Variants in WDR5 observed in about 807,000 individuals in gnomAD.
WDR5 encodes WD repeat domain 5.
For synonymous variants in WDR5, 144 were observed against 161.6 expected, an observed-to-expected ratio of 0.89 and a Z score of 0.83; for missense variants, 187 against 416.9, an observed-to-expected ratio of 0.45 and a Z score of 4.80.
At chr9:134,135,919 T>C (rs1428337195), upstream of WDR5, 1 of 152,060 alleles carries the variant, frequency 6.6e-6, no homozygotes, top group Non-Finnish European at 1.5e-5. Context: ...GATTAAAGCT[T>C]TTAAGCGGGA....
At chr9:134,139,654 A>G (rs1831772202) in intron 1 of WDR5, among the ~76,000 whole-genome samples, 166 bp from the exon 2 acceptor site, 1 of 152,356 alleles carries the variant, frequency 6.6e-6, no homozygotes, top group East Asian at 1.9e-4. Context: ...GGAAAGTATT[A>G]GCAAGGACTT....
intron 2 of WDR5, 142 bp from the exon 3 acceptor site, chr9:134,140,561 A>T (rs1831832843): frequency 5.4e-6 from 4 of 739,376 alleles, no homozygotes; most frequent in Non-Finnish European, 7.4e-6. Flanking sequence ...GTCCACATAG[A>T]GATTGGTGGA....
chr9:134,149,241 C>T (rs34473303), intron 8 of WDR5, among the ~76,000 whole-genome samples: 7,629 of 152,158 alleles, frequency 0.05, 439 homozygotes, highest in African/African-American at 0.14. Flanking sequence ...GGGTCGTAGT[C>T]GAGTTGCACC....
intron 1 of WDR5, 104 bp from the exon 2 acceptor site, chr9:134,139,716 C>T: frequency 1.4e-6 from 1 of 718,338 alleles, no homozygotes. Flanking sequence ...CTACAGGGCT[C>T]AATATGGTAG....
chr9:134,144,379 C>T (rs993404055), intron 7 of WDR5, among the ~76,000 whole-genome samples: 6 of 152,178 alleles, frequency 3.9e-5, no homozygotes, highest in Admixed American at 6.5e-5. Context: ...GACAAATGAA[C>T]GCTTGTGAAG....
chr9:134,154,620 G>A (rs952032270), intron 10 of WDR5, 79 bp downstream of exon 10: 18 of 1,511,926 alleles, frequency 1.2e-5, no homozygotes, highest in African/African-American at 4.1e-5. Context: ...GTGAGCCTTT[G>A]GAGAGCGTGT....
rs1832515983 is a variant in WDR5 at position 134,152,007 on chromosome 9, C to T, written c.609C>T (p.Gly203=). Reference sequence around the variant, plus strand: ...GTCGCATCTGGGACACCGCCTCAGGCCAGTGCCTGAAGACGCTCATCGGTG... The same window carrying T: ...GTCGCATCTGGGACACCGCCTCAGGTCAGTGCCTGAAGACGCTCATCGGTG... ...GLCRIWDTAS[G]QCLKTLIDDD... Residue 203 remains glycine (G), a synonymous_variant, in exon 9 of 14, where the codon GGC becomes GGT. Transcript: ENST00000358625. 6.2e-7 allele frequency: 1 copy of T among 1,614,034 alleles called. No homozygotes were observed. The highest frequency in any genetic ancestry group is 1.1e-5 in the South Asian group (1 of 91,076).
intron 1 of WDR5, among the ~76,000 whole-genome samples, chr9:134,137,115 G>C (rs1003671188): frequency 1.3e-5 from 2 of 152,124 alleles, no homozygotes; most frequent in Admixed American, 6.5e-5. Flanking sequence ...CAGATTCCTG[G>C]GCTCCACCTC....
chr9:134,148,666 C>T (rs775519222), intron 8 of WDR5, among the ~76,000 whole-genome samples: 20 of 152,138 alleles, frequency 1.3e-4, no homozygotes, highest in Non-Finnish European at 2.1e-4. Flanking sequence ...GGTGTTTGGA[C>T]CCCTTGAGGT....
At chr9:134,152,402 C>T (rs189988579) in intron 9 of WDR5, among the ~76,000 whole-genome samples, 177 of 152,300 alleles carry the variant, frequency 1.2e-3, no homozygotes, top group Non-Finnish European at 1.8e-3. Context: ...GAGTGCCTGC[C>T]CATCTGCTGG....
At chr9:134,136,616 G>GC (rs1831573871) in intron 1 of WDR5, among the ~76,000 whole-genome samples, 1 of 151,984 alleles carries the variant, frequency 6.6e-6, no homozygotes, top group East Asian at 1.9e-4. Context: ...TCGTAGAAAC[G>GC]CCCCCAGCCC....
intron 11 of WDR5, 127 bp downstream of exon 11, chr9:134,155,500 T>C: frequency 7.3e-7 from 1 of 1,370,592 alleles, no homozygotes; most frequent in South Asian, 1.4e-5. Flanking sequence ...CTGGGTTTGG[T>C]GCGAATTCCT....
intron 6 of WDR5, 43 bp downstream of exon 6, chr9:134,142,465 G>C (rs778832737): frequency 6.2e-7 from 1 of 1,605,462 alleles, no homozygotes; most frequent in African/African-American, 1.3e-5. Flanking sequence ...GGTGGTGTCG[G>C]ATGTGGGAAG....
rs756017391 is a variant in WDR5 at position 134,156,544 on chromosome 9, C to T, written c.855C>T (p.Ile285=). The T allele has an allele frequency of 6.2e-7, 1 of 1,614,214 alleles. No homozygotes were observed. Among genetic ancestry groups the T allele is most frequent in the Non-Finnish European group, 8.5e-7 (1 of 1,180,048 alleles). Residue 285 remains isoleucine, a synonymous_variant, in exon 13 of 14, where the codon ATC becomes ATT. Transcript: ENST00000358625. The part of the protein sequence containing the change: ...VSGSEDNLVY[I]WNLQTKEIVQ... ...GCTCAGAGGATAACCTTGTTTACAT[C>T]TGGAACCTTCAGACGAAAGAGATTG...
At chr9:134,154,071 A>T (rs1832630272) in intron 9 of WDR5, among the ~76,000 whole-genome samples, 1 of 152,110 alleles carries the variant, frequency 6.6e-6, no homozygotes, top group Non-Finnish European at 1.5e-5. Context: ...ATAAATTCTT[A>T]AAGGAGAATT....
Position 134,139,965 on chromosome 9 carries a change from GC to G in WDR5, c.81+10del. The G allele has an allele frequency of 6.2e-7, 1 of 1,613,642 alleles. No individual in the cohort carries two copies. The highest frequency in any genetic ancestry group is 8.5e-7 in the Non-Finnish European group (1 of 1,179,980). On this transcript the variant is annotated splice_region_variant and intron_variant, in intron 2 of 13. Transcript: ENST00000358625. ...ATCCGCCACTCAGAGCAAGGTGCGT[GC>G]CCAGGGGCCCCTTGGACACCTTCCG... is the stretch of plus-strand genomic sequence containing the variant.
intron 8 of WDR5, 116 bp downstream of exon 8, chr9:134,148,459 C>T (rs1017199831): frequency 8.1e-5 from 76 of 941,992 alleles, no homozygotes; most frequent in Non-Finnish European, 1.1e-4. Context: ...CCTTAATTTC[C>T]GAAGCTTCTC....
At position 134,156,449 on chromosome 9, in the gene WDR5, T is replaced by C. The variant is rs372319092; in HGVS notation, c.817-57T>C. The C allele has an allele frequency of 7.8e-5, 120 of 1,537,702 alleles. 2 individuals are homozygous for C. In the South Asian group the frequency reaches 1.1e-3, roughly 14 times the overall value. ...AACTGGAGATTCTCTCCCTTTCACA[T>C]GCATGAGCTCTGACCTGCTTTTCCT... is the stretch of plus-strand genomic sequence containing the variant. On this transcript the variant is annotated intron_variant, in intron 12 of 13. Transcript: ENST00000358625.
chr9:134,147,616 C>T (rs928082305), intron 7 of WDR5, among the ~76,000 whole-genome samples: 4 of 152,158 alleles, frequency 2.6e-5, no homozygotes, highest in Admixed American at 6.5e-5. Context: ...GTCCCATCCC[C>T]GAATCATTAA....
Sources: allele counts gnomAD v4.1 joint callset (sites outside exome capture counted in the v4.1 genomes callset), GRCh38; gene constraint gnomAD v4.1.1; transcripts MANE v1.5; gene names NCBI Gene and HGNC (gene_info 2026-07-23, HGNC 2026-07-21).